Variants in CYP7B1 observed in about 807,000 individuals in gnomAD.
The protein encoded by CYP7B1 is cytochrome P450 family 7 subfamily B member 1.
Under a neutral mutation model 42.7 loss-of-function variants are expected in CYP7B1, and 29 were observed. The ratio of observed to expected loss-of-function variants is 0.68; its 90% CI spans 0.51 to 0.93. The LOEUF (loss-of-function observed/expected upper bound fraction) is 0.93. Ranked by LOEUF, CYP7B1 falls within the 40% of genes least tolerant of loss-of-function variation. The probability of loss-of-function intolerance (pLI) is 0.00; values close to 1 mark genes in which losing one functional copy is unlikely to be tolerated. For missense variants in CYP7B1, 655 were observed against 600.5 expected (o/e 1.09, Z -0.95); for synonymous variants, 235 against 218.2 (o/e 1.08, Z -0.68).
intron 1 of CYP7B1, among the ~76,000 whole-genome samples, chr8:64,752,833 T>C (rs549835545): frequency 2.0e-5 from 3 of 152,198 alleles, no homozygotes; most frequent in Admixed American, 1.3e-4. Flanking sequence ...TTCTGCACTT[T>C]AATGGCAGCC....
chr8:64,785,772 C>G (rs1804516069), intron 1 of CYP7B1, among the ~76,000 whole-genome samples: 1 of 152,040 alleles, frequency 6.6e-6, no homozygotes, highest in African/African-American at 2.4e-5. Flanking sequence ...CTGTATGATA[C>G]TGTAACTGTA....
At chr8:64,613,490 C>A (rs139107704) in intron 4 of CYP7B1, among the ~76,000 whole-genome samples, 2 of 152,014 alleles carry the variant, frequency 1.3e-5, no homozygotes, top group Admixed American at 6.6e-5. Context: ...TCCCAGTATG[C>A]GTCATCTTAT....
intron 1 of CYP7B1, among the ~76,000 whole-genome samples, chr8:64,772,011 C>G (rs1804242916): frequency 6.6e-6 from 1 of 152,214 alleles, no homozygotes; most frequent in Admixed American, 6.5e-5. Context: ...CCCCAAACTC[C>G]TAAGACCTCA....
chr8:64,726,330 G>C (rs964396268), intron 1 of CYP7B1, among the ~76,000 whole-genome samples: 1 of 152,136 alleles, frequency 6.6e-6, no homozygotes, highest in African/African-American at 2.4e-5. Flanking sequence ...ATGTACGTTG[G>C]GGGATAAGAA....
chr8:64,745,756 C>T (rs1378371616), intron 1 of CYP7B1, among the ~76,000 whole-genome samples: 1 of 152,106 alleles, frequency 6.6e-6, no homozygotes, highest in Non-Finnish European at 1.5e-5. Flanking sequence ...TGGGGTCATC[C>T]CACCACAATC....
At chr8:64,765,819 G>A (rs1464631774) in intron 1 of CYP7B1, among the ~76,000 whole-genome samples, 2 of 151,982 alleles carry the variant, frequency 1.3e-5, no homozygotes, top group South Asian at 2.1e-4. Flanking sequence ...TGGAGAATTC[G>A]GCCCAGAGTG....
chr8:64,616,851 G>A (rs1805456238), intron 2 of CYP7B1, among the ~76,000 whole-genome samples: 1 of 152,174 alleles, frequency 6.6e-6, no homozygotes, highest in South Asian at 2.1e-4. Flanking sequence ...TTATGGATGT[G>A]GGAGATTTAA....
intron 1 of CYP7B1, among the ~76,000 whole-genome samples, chr8:64,655,685 T>C (rs562739133): frequency 6.6e-6 from 1 of 152,308 alleles, no homozygotes; most frequent in East Asian, 1.9e-4. Context: ...GAATATAAAC[T>C]ATTTCTACCA....
chr8:64,739,602 T>C (rs1441314835), intron 1 of CYP7B1, among the ~76,000 whole-genome samples: 1 of 152,218 alleles, frequency 6.6e-6, no homozygotes, highest in African/African-American at 2.4e-5. Flanking sequence ...AACAGATGTA[T>C]CATTAGAATA....
At chr8:64,656,816 G>T (rs984838918) in intron 1 of CYP7B1, among the ~76,000 whole-genome samples, 2 of 152,138 alleles carry the variant, frequency 1.3e-5, no homozygotes, top group African/African-American at 2.4e-5. Context: ...ATAATAACGT[G>T]ATGTTACACC....
intron 5 of CYP7B1, 128 bp from the exon 6 acceptor site, chr8:64,597,057 T>G (rs949133311): frequency 1.3e-6 from 1 of 761,142 alleles, no homozygotes; most frequent in South Asian, 2.2e-5. Flanking sequence ...CCAGAAAAAC[T>G]TGGCTGAGTG....
At chr8:64,653,892 C>A (rs1236601388) in intron 1 of CYP7B1, among the ~76,000 whole-genome samples, 1 of 152,162 alleles carries the variant, frequency 6.6e-6, no homozygotes, top group African/African-American at 2.4e-5. Flanking sequence ...GAACTACAGA[C>A]AAAAACCCCA....
At position 64,798,724 on chromosome 8, in the gene CYP7B1, C is replaced by A; in HGVS notation, c.-137G>T. The A allele has an allele frequency of 1.0e-6, 1 of 974,500 alleles. No homozygotes were observed. Among genetic ancestry groups the A allele is most frequent in the South Asian group, 2.0e-5 (1 of 49,210 alleles). The allele number at this position is 974,500 out of a possible 1,614,324, so 60.4% of individuals were successfully genotyped here. A position where few individuals can be genotyped will look rare whatever the true frequency, so the allele number is the denominator to read the frequency against. The stretch of plus-strand genomic sequence containing the variant: ...CGGAGAGGCTGGCCTGCCCGCAGCG[C>A]AGACAGGAATGTCACCGTGGTCTCC... On this transcript the variant is annotated 5_prime_UTR_variant, in exon 1 of 6. Transcript: ENST00000310193.
chr8:64,730,501 C>T (rs1465079845), intron 1 of CYP7B1, among the ~76,000 whole-genome samples: 1 of 152,086 alleles, frequency 6.6e-6, no homozygotes, highest in Non-Finnish European at 1.5e-5. Flanking sequence ...AGCAGATGTG[C>T]AGTGACCCAT....
chr8:64,612,476 A>G (rs1805377291), intron 4 of CYP7B1, among the ~76,000 whole-genome samples: 1 of 152,156 alleles, frequency 6.6e-6, no homozygotes, highest in African/African-American at 2.4e-5. Flanking sequence ...TAAGAGTAGA[A>G]TAGTTTTAAA....
At chr8:64,729,335 T>TACACACATTCATGCACACAC (rs368362334) in intron 1 of CYP7B1, among the ~76,000 whole-genome samples, 107 of 152,264 alleles carry the variant, frequency 7.0e-4, no homozygotes, top group Middle Eastern at 3.4e-3. Context: ...CATGCACACA[T>TACACACATTCATGCACACAC]ACACACATTC....
intron 1 of CYP7B1, among the ~76,000 whole-genome samples, chr8:64,704,383 T>C (rs936407805): frequency 3.9e-4 from 59 of 152,210 alleles, no homozygotes; most frequent in African/African-American, 1.4e-3. Context: ...TATATCTTAA[T>C]CATCTCAGTG....
intron 1 of CYP7B1, among the ~76,000 whole-genome samples, chr8:64,625,233 G>A (rs1331888248): frequency 1.3e-5 from 2 of 152,016 alleles, no homozygotes; most frequent in African/African-American, 4.8e-5. Flanking sequence ...TCGGCCTCCC[G>A]AAGTGCTGGC....
intron 1 of CYP7B1, among the ~76,000 whole-genome samples, chr8:64,670,337 A>T (rs1178444063): frequency 2.0e-5 from 3 of 152,224 alleles, no homozygotes; most frequent in African/African-American, 7.2e-5. Flanking sequence ...AAAATTATGT[A>T]AAGTCTTCTA....
Sources: gnomAD v4.1 joint callset for allele counts (sites outside exome capture counted in the v4.1 genomes callset) on GRCh38, gnomAD v4.1.1 for gene constraint, MANE v1.5 for transcripts, NCBI Gene and HGNC (gene_info 2026-07-23, HGNC 2026-07-21) for gene names.